The following GPR89B variants were observed in gnomAD, a reference collection of about 807,000 sequenced individuals.
GPR89B encodes the protein G protein-coupled receptor 89B.
In GPR89B, 25 loss-of-function variants were observed where a neutral mutation model predicts 52.4. The observed-to-expected ratio is 0.48, with a 90% CI of 0.35 to 0.67. The LOEUF is 0.67. Among genes scored for constraint, GPR89B ranks in the 30% least tolerant of loss-of-function variants. GPR89B has a pLI of 0.01. For synonymous variants in GPR89B, 52 were observed against 151.2 expected (o/e 0.34, Z 4.81); for missense variants, 146 against 450.2 (o/e 0.32, Z 6.11).
At chr1:147,983,780 G>A (rs2149090708) in intron 10 of GPR89B, among the ~76,000 whole-genome samples, 1 of 151,860 alleles carries the variant, frequency 6.6e-6, no homozygotes, top group East Asian at 1.9e-4. Flanking sequence ...GATTCTTCAG[G>A]GATCTAGAAC....
rs189659867 is a variant in GPR89B at position 147,943,281 on chromosome 1, C to T, written c.207-157C>T. Among the ~76,000 whole-genome samples the T allele has an allele frequency of 7.6e-3, 1,152 of 152,112 alleles. 11 individuals carry two copies. The highest frequency in any genetic ancestry group is 0.026 in the African/African-American group (1,098 of 41,496). On this transcript the variant is annotated intron_variant, in intron 3 of 13. Transcript: ENST00000314163. ...CTTTCAAAAATTTGTATTTTTTAATCTCTACAAATGAGTAGATTTTAAGAG... is the reference window on the plus strand; with the variant it reads ...CTTTCAAAAATTTGTATTTTTTAATTTCTACAAATGAGTAGATTTTAAGAG...
chr1:147,939,800 C>T lies in GPR89B; in HGVS notation c.206+983C>T, dbSNP rs1176427858. The stretch of plus-strand genomic sequence containing the variant: ...ATCACTTAAGTGCAGGGGTTCAAGA[C>T]GAGCCTGGGCAACAAAGTGAGACCC... On this transcript the variant is annotated intron_variant, in intron 3 of 13. Transcript: ENST00000314163. Among the ~76,000 whole-genome samples, 20 of 151,038 alleles carry T rather than the reference C, an allele frequency of 1.3e-4. No individual in the cohort carries two copies. The East Asian group carries it at 1.4e-3, about 11-fold the overall frequency.
At position 147,940,174 on chromosome 1, in the gene GPR89B, C is replaced by T. The variant is rs1201876511; in HGVS notation, c.206+1357C>T. Among the ~76,000 whole-genome samples the T allele has an allele frequency of 2.6e-5, 4 of 151,926 alleles. No individual in the cohort carries two copies. The East Asian group carries it at 7.7e-4, about 29-fold the overall frequency. ...ATCCCAGCACTTTGGGAGGCCAAGG[C>T]GGGCGGATCACGAGGTCAGGAGATC... is the stretch of plus-strand genomic sequence containing the variant. On this transcript the variant is annotated intron_variant, in intron 3 of 13. Coordinates refer to ENST00000314163, the MANE Select transcript of GPR89B (RefSeq NM_016334.5).
chr1:147,948,207 T>C, intron 5 of GPR89B, among the ~76,000 whole-genome samples: 1 of 151,940 alleles, frequency 6.6e-6, no homozygotes, highest in Non-Finnish European at 1.5e-5. Context: ...AGCTGAGATT[T>C]AAAGGACAAG....
intron 7 of GPR89B, among the ~76,000 whole-genome samples, chr1:147,957,769 ACATT>A (rs1656223247): frequency 6.6e-6 from 1 of 152,082 alleles, no homozygotes; most frequent in African/African-American, 2.4e-5. Context: ...GTAAGAGATA[ACATT>A]AGACATAAAG....
At chr1:147,929,858 G>A (rs7512883) in intron 1 of GPR89B, among the ~76,000 whole-genome samples, 4 of 152,026 alleles carry the variant, frequency 2.6e-5, no homozygotes, top group Non-Finnish European at 4.4e-5. Context: ...TGGCTGCATA[G>A]TATTCAAATG....
chr1:148,017,088 C>CT, the GPR89B span, among the ~76,000 whole-genome samples: 1 of 151,816 alleles, frequency 6.6e-6, no homozygotes, highest in Non-Finnish European at 1.5e-5. Flanking sequence ...GTCGCCCAGG[C>CT]TGGAGTGCAG....
chr1:147,975,366 A>G (rs1159580244), intron 10 of GPR89B, among the ~76,000 whole-genome samples: 4 of 144,266 alleles, frequency 2.8e-5, no homozygotes, highest in Non-Finnish European at 4.5e-5. Flanking sequence ...CTATTCAGGG[A>G]TTCAACTTCT....
At chr1:148,015,842 C>T in the GPR89B span, among the ~76,000 whole-genome samples, 1 of 151,100 alleles carries the variant, frequency 6.6e-6, no homozygotes, top group Non-Finnish European at 1.5e-5. Flanking sequence ...AGTGTTCACA[C>T]GGTTTTTATA....
chr1:147,979,737 C>G (rs1227145487), intron 10 of GPR89B, among the ~76,000 whole-genome samples: 2 of 151,848 alleles, frequency 1.3e-5, no homozygotes, highest in Non-Finnish European at 2.9e-5. Context: ...CTCACTTGGT[C>G]ATGGTGAATT....
intron 5 of GPR89B, among the ~76,000 whole-genome samples, chr1:147,949,891 A>C (rs1322322767): frequency 4.9e-5 from 4 of 82,240 alleles, no homozygotes; most frequent in African/African-American, 1.2e-4. Context: ...GGCGCCCCTC[A>C]CCTCCCGGAC....
chr1:147,956,949 G>C (rs1656162794), intron 7 of GPR89B, among the ~76,000 whole-genome samples: 1 of 151,886 alleles, frequency 6.6e-6, no homozygotes. Context: ...TGTTGGACCA[G>C]GCTGGTCTCA....
chr1:147,939,861 G>A (rs1654400032), intron 3 of GPR89B, among the ~76,000 whole-genome samples: 2 of 151,372 alleles, frequency 1.3e-5, no homozygotes, highest in South Asian at 2.1e-4. Context: ...TCAGCAGAGT[G>A]TGGTAGTACA....
chr1:147,939,313 C>T (rs1350427046), intron 3 of GPR89B, among the ~76,000 whole-genome samples: 2 of 151,508 alleles, frequency 1.3e-5, no homozygotes, highest in African/African-American at 4.9e-5. Context: ...TTTCTTAAAA[C>T]ACTTTTTAAA....
chr1:147,935,314 G>C (rs1216480258), intron 1 of GPR89B, among the ~76,000 whole-genome samples: 1 of 151,956 alleles, frequency 6.6e-6, no homozygotes. Context: ...AGGCAGCAGG[G>C]GCATGATAAG....
the GPR89B span, among the ~76,000 whole-genome samples, chr1:148,015,889 A>G: frequency 6.6e-6 from 1 of 151,864 alleles, no homozygotes; most frequent in Non-Finnish European, 1.5e-5. Context: ...CTTATTAGCT[A>G]TAACTCTTTC....
chr1:147,945,457 G>A (rs879968169), intron 5 of GPR89B, among the ~76,000 whole-genome samples: 5 of 152,164 alleles, frequency 3.3e-5, no homozygotes, highest in Non-Finnish European at 7.3e-5. Flanking sequence ...CAGGAATTTC[G>A]AGAGAGAGAG....
chr1:148,021,835 G>T, the GPR89B span: 1 of 148,168 alleles, frequency 6.7e-6, no homozygotes, highest in Non-Finnish European at 1.5e-5. Context: ...AGCTCTGGAG[G>T]CCTGAGGAGG....
At chr1:147,991,828 G>A (rs2149097662) in intron 12 of GPR89B, among the ~76,000 whole-genome samples, 1 of 152,168 alleles carries the variant, frequency 6.6e-6, no homozygotes, top group South Asian at 2.1e-4. Context: ...GCTTTTTGAT[G>A]TGCCGCTGGA....
Sources: gnomAD v4.1 joint callset for allele counts (sites outside exome capture counted in the v4.1 genomes callset) on GRCh38, gnomAD v4.1.1 for gene constraint, MANE v1.5 for transcripts, NCBI Gene and HGNC (gene_info 2026-07-23, HGNC 2026-07-21) for gene names.